WWC1: variants seen among roughly 807,000 people sequenced by gnomAD.
The protein encoded by WWC1 is protein KIBRA.
A neutral mutation model predicts 138.4 loss-of-function variants in WWC1; 55 were observed. The ratio of observed to expected loss-of-function variants is 0.40; its 90% CI spans 0.32 to 0.50. The LOEUF is 0.50. Among genes scored for constraint, WWC1 ranks in the 20% least tolerant of loss-of-function variants. The probability of loss-of-function intolerance (pLI) is 0.72; values close to 1 mark genes in which losing one functional copy is unlikely to be tolerated. For synonymous variants in WWC1, 524 were observed against 564.9 expected, an observed-to-expected ratio of 0.93 and a Z score of 1.03; for missense variants, 1,226 against 1,420.4, an observed-to-expected ratio of 0.86 and a Z score of 2.20.
At chr5:168,381,241 G>T (rs933531592) in intron 2 of WWC1, among the ~76,000 whole-genome samples, 11 of 152,080 alleles carry the variant, frequency 7.2e-5, no homozygotes, top group African/African-American at 2.7e-4. Flanking sequence ...TTCAGGTAAG[G>T]GTCTCATATA....
rs1757600838 is a variant in WWC1, at chr5:168,469,948, T to C, written c.*931T>C. On this transcript the variant is annotated 3_prime_UTR_variant, in exon 23 of 23. Coordinates refer to ENST00000265293, the MANE Select transcript of WWC1 (RefSeq NM_015238.3). Reference sequence around the variant, plus strand: ...CTGCTCGGCTCATTGGGAATCCACATCCCCAAGTTAGACTGGGGATATGCT... The same window carrying C: ...CTGCTCGGCTCATTGGGAATCCACACCCCCAAGTTAGACTGGGGATATGCT... The C allele has an allele frequency of 6.6e-6, 1 of 152,122 alleles. No homozygotes were observed. The highest frequency in any genetic ancestry group is 2.1e-4 in the South Asian group (1 of 4,824). 9.4% of individuals were successfully genotyped at this position (152,122 alleles called of 1,614,324 possible). A position where few individuals can be genotyped will look rare whatever the true frequency, so the allele number is the denominator to read the frequency against.
chr5:168,339,907 TTC>T (rs10593765), intron 1 of WWC1, among the ~76,000 whole-genome samples: 85,509 of 137,954 alleles, frequency 0.62, 26,396 homozygotes, highest in South Asian at 0.68. Flanking sequence ...CTCTCTCTCT[TTC>T]TCTCTCTCTC....
intron 9 of WWC1, among the ~76,000 whole-genome samples, chr5:168,420,586 TAGAGC>T (rs1417878426): frequency 1.3e-5 from 2 of 152,036 alleles, no homozygotes; most frequent in African/African-American, 4.8e-5. Flanking sequence ...CCCCGACCTT[TAGAGC>T]AGCCCACCTG....
chr5:168,395,912 A>G (rs1034608319), intron 3 of WWC1, among the ~76,000 whole-genome samples: 8 of 152,252 alleles, frequency 5.3e-5, no homozygotes, highest in Non-Finnish European at 1.0e-4. Context: ...TGCCTTATGC[A>G]TAACCAAAAG....
intron 1 of WWC1, among the ~76,000 whole-genome samples, chr5:168,339,841 C>T (rs568460654): frequency 0.014 from 1,986 of 144,666 alleles, 55 homozygotes; most frequent in African/African-American, 0.051. Flanking sequence ...TTTTTCTTTT[C>T]TTTCTTTCTT....
At chr5:168,353,171 CA>C (rs1775122655) in intron 1 of WWC1, among the ~76,000 whole-genome samples, 1 of 152,086 alleles carries the variant, frequency 6.6e-6, no homozygotes, top group South Asian at 2.1e-4. Context: ...TGGGTCCTTC[CA>C]GGGGGCCTGG....
intron 1 of WWC1, among the ~76,000 whole-genome samples, chr5:168,358,379 C>T (rs761159115): frequency 1.6e-4 from 24 of 152,348 alleles, no homozygotes; most frequent in Non-Finnish European, 2.6e-4. Context: ...GGATCCACTC[C>T]TCTGGCTGCG....
At position 168,430,214 on chromosome 5, in the gene WWC1, A is replaced by G. The variant is rs745380528; in HGVS notation, c.2078A>G (p.Asp693Gly). 18 of 1,613,456 alleles carry G rather than the reference A, an allele frequency of 1.1e-5. No homozygotes were observed. Reference sequence around the variant, plus strand: ...CTTTCTGCTCTGTTGCAGCAACAAGACCAGAAAGTGTGAGTATGTAGCTGG... The same window carrying G: ...CTTTCTGCTCTGTTGCAGCAACAAGGCCAGAAAGTGTGAGTATGTAGCTGG... ...SNLSALLQQQ[D>G]QKVNIRVAVL... Residue 693 changes from aspartate to glycine, a missense_variant, in exon 14 of 23, where the codon GAC becomes GGC. Transcript: ENST00000265293.
intron 1 of WWC1, among the ~76,000 whole-genome samples, chr5:168,302,835 A>C (rs1428404881): frequency 1.3e-5 from 2 of 152,220 alleles, no homozygotes; most frequent in Non-Finnish European, 2.9e-5. Flanking sequence ...GGGGTTCAGC[A>C]GGGATTAAAC....
At chr5:168,435,971 T>C (rs1782319600) in intron 15 of WWC1, among the ~76,000 whole-genome samples, 2 of 152,224 alleles carry the variant, frequency 1.3e-5, no homozygotes, top group African/African-American at 4.8e-5. Flanking sequence ...GCCTCCCAAG[T>C]AGCTGGGACT....
rs190199530 is a variant in WWC1 at position 168,336,486 on chromosome 5, C to T, written c.120-34938C>T. ...ACTAGGGAGGCTGAGGCAGGAGAAT[C>T]GCTTAAACCCAGGAGGCGGAGGTTG... is the stretch of plus-strand genomic sequence containing the variant. On this transcript the variant is annotated intron_variant, in intron 1 of 22. Coordinates refer to ENST00000265293, the MANE Select transcript of WWC1 (RefSeq NM_015238.3). 2.9e-3 allele frequency among the ~76,000 whole-genome samples: 427 copies of T among 148,974 alleles called. 3 individuals carry two copies. The highest frequency in any genetic ancestry group is 0.02 in the East Asian group (95 of 4,764).
chr5:168,465,832 A>G (rs1017659814), intron 21 of WWC1, among the ~76,000 whole-genome samples: 7 of 152,122 alleles, frequency 4.6e-5, no homozygotes, highest in African/African-American at 1.2e-4. Context: ...TGTTGCGATT[A>G]CAGGCATGAG....
chr5:168,381,417 G>C (rs905116618), intron 2 of WWC1, among the ~76,000 whole-genome samples: 2 of 152,170 alleles, frequency 1.3e-5, no homozygotes, highest in African/African-American at 4.8e-5. Context: ...TCCACCTGGA[G>C]CCCGCATCGC....
chr5:168,412,557 G>A (rs907718374), intron 8 of WWC1, among the ~76,000 whole-genome samples: 32 of 152,162 alleles, frequency 2.1e-4, no homozygotes, highest in African/African-American at 6.0e-4. Flanking sequence ...ATACCATTTC[G>A]TTCTCAAAGT....
intron 1 of WWC1, among the ~76,000 whole-genome samples, chr5:168,329,517 C>A (rs1340066573): frequency 2.6e-5 from 4 of 152,086 alleles, no homozygotes; most frequent in African/African-American, 4.8e-5. Context: ...AAGGAATGTC[C>A]GAAGCAAGTG....
chr5:168,410,206 A>C lies in WWC1; in HGVS notation c.941+211A>C, dbSNP rs1009052471. ...AGGACACTTCACAAGACAGAGAGTG[A>C]AACTATGCTTTGAACCCAGATCTGT... On this transcript the variant is annotated intron_variant, in intron 8 of 22. Coordinates refer to ENST00000265293, the MANE Select transcript of WWC1 (RefSeq NM_015238.3). 3 of 543,788 alleles carry C rather than the reference A, an allele frequency of 5.5e-6. No homozygotes were observed. The African/African-American group carries it at 5.6e-5, about 10-fold the overall frequency. The allele number at this position is 543,788 out of a possible 1,614,324, so 33.7% of individuals were successfully genotyped here.
chr5:168,292,748 A>G lies in WWC1; in HGVS notation c.119+477A>G, dbSNP rs1404816686. On this transcript the variant is annotated intron_variant, in intron 1 of 22. Coordinates refer to ENST00000265293, the MANE Select transcript of WWC1 (RefSeq NM_015238.3). This position sits in a 1 kb window ranked among gnomAD's most constrained non-coding sequence, Gnocchi z 4.4. ...AGACCCCAGGATTCCGTGGGAGACCACTGGAGAGAGGGCACTCGGCGCAGA... is the reference window on the plus strand; with the variant it reads ...AGACCCCAGGATTCCGTGGGAGACCGCTGGAGAGAGGGCACTCGGCGCAGA... Among the ~76,000 whole-genome samples the G allele has an allele frequency of 6.6e-6, 1 of 152,084 alleles. No individual in the cohort carries two copies. The highest frequency in any genetic ancestry group is 2.4e-5 in the African/African-American group (1 of 41,428).
At chr5:168,462,203 A>G (rs1756879329) in intron 20 of WWC1, among the ~76,000 whole-genome samples, 1 of 151,572 alleles carries the variant, frequency 6.6e-6, no homozygotes, top group Non-Finnish European at 1.5e-5. Context: ...CCTTTGCCTA[A>G]CATCCTACAC....
At chr5:168,356,712 A>G (rs987080893) in intron 1 of WWC1, among the ~76,000 whole-genome samples, 1 of 152,188 alleles carries the variant, frequency 6.6e-6, no homozygotes, top group Non-Finnish European at 1.5e-5. Context: ...TGATGATTAT[A>G]CTAATTAAAA....
Sources: gnomAD v4.1 joint callset for allele counts (sites outside exome capture counted in the v4.1 genomes callset) on GRCh38, gnomAD v4.1.1 for gene constraint, Gnocchi (gnomAD v3.1) non-coding constraint, MANE v1.5 for transcripts, NCBI Gene and HGNC (gene_info 2026-07-23, HGNC 2026-07-21) for gene names.